The following DENND3 variants were observed in gnomAD, a reference collection of about 807,000 sequenced individuals.
DENND3 encodes the protein DENN domain-containing protein 3.
DENND3 carries 88 observed loss-of-function variants against 135.1 expected under a neutral mutation model. The ratio of observed to expected loss-of-function variants is 0.65; its 90% CI spans 0.55 to 0.78. The LOEUF (loss-of-function observed/expected upper bound fraction) is 0.78, where lower values mean the gene tolerates loss of function less well. Among genes scored for constraint, DENND3 ranks in the 30% least tolerant of loss-of-function variants. The probability of loss-of-function intolerance (pLI) is 0.00; values close to 1 mark genes in which losing one functional copy is unlikely to be tolerated. For synonymous variants in DENND3, 693 were observed against 712.3 expected, an observed-to-expected ratio of 0.97 and a Z score of 0.43; for missense variants, 1,392 against 1,688.4, an observed-to-expected ratio of 0.82 and a Z score of 3.08.
Position 141,136,593 on chromosome 8 carries a change from A to G in DENND3, c.187A>G (p.Lys63Glu). ...CATTTTCGTGCCTCCTTTTATCAGT[A>G]AAGAGGACAGTCAAATGGCCGGTGC... ...LSIFVPPFIS[K>E]EDSQMAGANC... is the part of the protein sequence containing the mutation. The change falls in exon 2 of 23, where the codon AAA becomes GAA. Residue 63 changes from lysine to glutamate, a missense_variant. Physicochemically the swap from Lys to Glu is moderately conservative, Grantham distance 56. Transcript: ENST00000519811. 1.3e-6 allele frequency: 2 copies of G among 1,592,366 alleles called. No individual in the cohort carries two copies. The highest frequency in any genetic ancestry group is 1.7e-6 in the Non-Finnish European group (2 of 1,169,542).
In DENND3 at chr8:141,175,860, T is replaced by A; in HGVS notation, c.2535+401T>A. 1 of 268,654 alleles carries A rather than the reference T, an allele frequency of 3.7e-6. No homozygotes were observed. The highest frequency in any genetic ancestry group is 9.6e-5 in the East Asian group (1 of 10,378). 16.6% of individuals were successfully genotyped at this position (268,654 alleles called of 1,614,324 possible). On this transcript the variant is annotated intron_variant, in intron 14 of 22. Coordinates refer to ENST00000519811, the MANE Select transcript of DENND3 (RefSeq NM_001352890.3). This position sits in a 1 kb window ranked among gnomAD's most constrained non-coding sequence, Gnocchi z 5.4. ...AGCTACAGTAGCTCACATTTTCTAG[T>A]CACAGTCGGACCTGGTTCATATAAA...
chr8:141,139,542 A>G lies in DENND3; in HGVS notation c.501+1405A>G, dbSNP rs1376266723. On this transcript the variant is annotated intron_variant, in intron 3 of 22. Coordinates refer to ENST00000519811, the MANE Select transcript of DENND3 (RefSeq NM_001352890.3). This position sits in a 1 kb window ranked among gnomAD's most constrained non-coding sequence, Gnocchi z 4.2. ...CAGGCCTTTCTTCCAGGGTTATGTT[A>G]ATGGAGGGATGAGAGGAAGGTGCCC... is the stretch of plus-strand genomic sequence containing the variant. 6.6e-6 allele frequency among the ~76,000 whole-genome samples: 1 copy of G among 152,052 alleles called. No homozygotes were observed. The highest frequency in any genetic ancestry group is 1.9e-4 in the East Asian group (1 of 5,190).
At chr8:141,145,658 A>T (rs1019484382) in intron 5 of DENND3, among the ~76,000 whole-genome samples, 2 of 151,812 alleles carry the variant, frequency 1.3e-5, no homozygotes, top group African/African-American at 4.8e-5. Flanking sequence ...AGAGCTAGTG[A>T]TATGTCGTGG....
intron 1 of DENND3, among the ~76,000 whole-genome samples, chr8:141,136,026 G>A (rs1442514369): frequency 6.6e-6 from 1 of 152,206 alleles, no homozygotes; most frequent in East Asian, 1.9e-4. Context: ...AATATACAGA[G>A]CCTGCCCCCA....
Position 141,194,180 on chromosome 8 carries a change from C to T in DENND3, c.3784C>T (p.Leu1262=), listed in dbSNP as rs766944878. Residue 1262 remains leucine (L), a synonymous_variant, in exon 23 of 23, where the codon CTG becomes TTG. Coordinates refer to ENST00000519811, the MANE Select transcript of DENND3 (RefSeq NM_001352890.3). ...GTGCTCGGCTGAGGACAGATACGTG[C>T]TGAGTGGGTCGGGCAGGGAGGAGGG... is the stretch of plus-strand genomic sequence containing the variant. ...TLCSAEDRYV[L]SGSGREEGKV... is the part of the protein sequence containing the mutation. 5.6e-6 allele frequency: 9 copies of T among 1,613,456 alleles called. No homozygotes were observed. In the Admixed American group the frequency reaches 6.7e-5, roughly 12 times the overall value.
rs570833416 is a variant in DENND3, at chr8:141,187,381, C to A, written c.3085-1605C>A. On this transcript the variant is annotated intron_variant, in intron 18 of 22. Transcript: ENST00000519811. ...GGGGCTATATAGGTGCGCACCACCA[C>A]ACCCGGCTAATTTTTGTATTTTGAG... 8.5e-5 allele frequency among the ~76,000 whole-genome samples: 13 copies of A among 152,118 alleles called. No homozygotes were observed. The South Asian group carries it at 2.7e-3, about 32-fold the overall frequency.
At position 141,164,749 on chromosome 8, in the gene DENND3, C is replaced by A. The variant is rs150360033; in HGVS notation, c.1450-437C>A. Reference sequence around the variant, plus strand: ...GAGCCCTGCCCGAGGCTTCCAGCTGCCTCAGCCTCTGTGAGCTCCCTCCAT... The same window carrying A: ...GAGCCCTGCCCGAGGCTTCCAGCTGACTCAGCCTCTGTGAGCTCCCTCCAT... On this transcript the variant is annotated intron_variant, in intron 10 of 22. Coordinates refer to ENST00000519811, the MANE Select transcript of DENND3 (RefSeq NM_001352890.3). Among the ~76,000 whole-genome samples the A allele has an allele frequency of 7.2e-3, 1,096 of 152,356 alleles. 18 individuals carry two copies. Among genetic ancestry groups the A allele is most frequent in the African/African-American group, 0.025 (1,045 of 41,582 alleles).
Position 141,195,033 on chromosome 8 carries a change from G to T in DENND3, c.*800G>T, listed in dbSNP as rs11579. 2 of 151,892 alleles carry T rather than the reference G, an allele frequency of 1.3e-5. No individual in the cohort carries two copies. Among genetic ancestry groups the T allele is most frequent in the Non-Finnish European group, 2.9e-5 (2 of 67,994 alleles). 9.4% of individuals were successfully genotyped at this position (151,892 alleles called of 1,614,324 possible). A position where few individuals can be genotyped will look rare whatever the true frequency, so the allele number is the denominator to read the frequency against. On this transcript the variant is annotated 3_prime_UTR_variant, in exon 23 of 23. Coordinates refer to ENST00000519811, the MANE Select transcript of DENND3 (RefSeq NM_001352890.3). ...GTGTGATCTCGTCTTCCAGCGTGCC[G>T]CTCAGTTCCCCGAATCCGTGTGCAC... is the stretch of plus-strand genomic sequence containing the variant.
chr8:141,158,122 C>A, intron 8 of DENND3: 1 of 1,270,940 alleles, frequency 7.9e-7, no homozygotes, highest in Non-Finnish European at 1.0e-6. Context: ...TAAAGCCAAG[C>A]GATGGTCCTG....
At position 141,168,498 on chromosome 8, in the gene DENND3, C is replaced by T. The variant is rs139800521; in HGVS notation, c.2248C>T (p.His750Tyr). 130 of 1,610,816 alleles carry T rather than the reference C, an allele frequency of 8.1e-5. No individual in the cohort carries two copies. Among genetic ancestry groups the T allele is most frequent in the Non-Finnish European group, 9.8e-5 (116 of 1,178,006 alleles). The change falls in exon 13 of 23, where the codon CAC (histidine) becomes TAC (tyrosine). Residue 750 changes from histidine to tyrosine, a missense_variant. Coordinates refer to ENST00000519811, the MANE Select transcript of DENND3 (RefSeq NM_001352890.3). This position sits in a 1 kb window ranked among gnomAD's most constrained non-coding sequence, Gnocchi z 6.2. The part of the protein sequence containing the change: ...SGIVKDASII[H>Y]RLFEALTVGQ... ...GATCGTGAAGGACGCCAGCATCATA[C>T]ACCGGCTGTTCGAGGCCTTGACTGT...
Position 141,180,869 on chromosome 8 carries a change from C to T in DENND3, c.2944+15C>T, listed in dbSNP as rs373888498. On this transcript the variant is annotated intron_variant, in intron 17 of 22. Coordinates refer to ENST00000519811, the MANE Select transcript of DENND3 (RefSeq NM_001352890.3). ...CTACACTCCAGGTAAGGCCCCTCTG[C>T]CCGCGCCTCGCTGCCAGTTTTCAGC... is the stretch of plus-strand genomic sequence containing the variant. The T allele has an allele frequency of 1.2e-6, 2 of 1,600,548 alleles. No homozygotes were observed. The highest frequency in any genetic ancestry group is 2.2e-5 in the South Asian group (2 of 89,048).
At chr8:141,134,817 TTC>T (rs1229861665) in intron 1 of DENND3, among the ~76,000 whole-genome samples, 1 of 152,122 alleles carries the variant, frequency 6.6e-6, no homozygotes, top group African/African-American at 2.4e-5. Flanking sequence ...AAGGTCCCAT[TTC>T]TCTGGATGGC....
intron 5 of DENND3, 47 bp from the exon 6 acceptor site, chr8:141,150,787 T>G (rs764291523): frequency 3.3e-6 from 5 of 1,530,962 alleles, no homozygotes; most frequent in Non-Finnish European, 4.4e-6. Flanking sequence ...CGTCAGCCTC[T>G]GCCCGGAGCA....
chr8:141,192,937 C>T (rs1445183097), intron 22 of DENND3: 17 of 1,369,942 alleles, frequency 1.2e-5, no homozygotes, highest in Middle Eastern at 1.9e-4. Flanking sequence ...CAGTTCTCGA[C>T]GCTGGAGGTC....
intron 22 of DENND3, 83 bp downstream of exon 22, chr8:141,192,746 C>T (rs1203259110): frequency 6.2e-7 from 1 of 1,608,134 alleles, no homozygotes; most frequent in Non-Finnish European, 8.5e-7. Flanking sequence ...CGAGAGCCAG[C>T]CGCACGCCCT....
chr8:141,192,471 GC>G, intron 21 of DENND3, 22 bp downstream of exon 21: 1 of 1,613,846 alleles, frequency 6.2e-7, no homozygotes. Flanking sequence ...GGGGCTGTGG[GC>G]CCAGCATGTG....
intron 11 of DENND3, among the ~76,000 whole-genome samples, chr8:141,165,928 C>G (rs1013349181): frequency 2.0e-5 from 3 of 152,172 alleles, no homozygotes; most frequent in African/African-American, 4.8e-5. Flanking sequence ...CTTCCTTGCT[C>G]TCTTCCTGAG....
chr8:141,158,111 T>C, intron 8 of DENND3: 1 of 1,265,308 alleles, frequency 7.9e-7, no homozygotes, highest in Non-Finnish European at 1.0e-6. Context: ...CCCTAAGGCC[T>C]TAAAGCCAAG....
intron 18 of DENND3, among the ~76,000 whole-genome samples, chr8:141,187,722 C>A: frequency 6.6e-6 from 1 of 152,092 alleles, no homozygotes; most frequent in Non-Finnish European, 1.5e-5. Context: ...CCTGCTAAAT[C>A]ATTTCCCCCC....
Sources: gnomAD v4.1 joint callset for allele counts (sites outside exome capture counted in the v4.1 genomes callset) on GRCh38, gnomAD v4.1.1 for gene constraint, Gnocchi (gnomAD v3.1) non-coding constraint, MANE v1.5 for transcripts, NCBI Gene and HGNC (gene_info 2026-07-23, HGNC 2026-07-21) for gene names.